The following SRPK2 variants were observed in gnomAD, a reference collection of about 807,000 sequenced individuals.
The protein encoded by SRPK2 is SFRS protein kinase 2.
Under a neutral mutation model 90.8 loss-of-function variants are expected in SRPK2, and 21 were observed. The ratio of observed to expected loss-of-function variants is 0.23; its 90% CI spans 0.16 to 0.33. SRPK2 has a LOEUF of 0.33. Among genes scored for constraint, SRPK2 ranks in the 10% least tolerant of loss-of-function variants. The pLI, the probability that SRPK2 is intolerant of heterozygous loss-of-function variation, is 1.00. For missense variants in SRPK2, 620 were observed against 869.0 expected (o/e 0.71, Z 3.60); for synonymous variants, 288 against 311.1 (o/e 0.93, Z 0.78).
At chr7:105,317,192 T>A (rs1051771266) in intron 2 of SRPK2, among the ~76,000 whole-genome samples, 1 of 152,192 alleles carries the variant, frequency 6.6e-6, no homozygotes, top group Non-Finnish European at 1.5e-5. Flanking sequence ...ACTGACGACA[T>A]AAAAAGAATG....
rs1302894389 is a variant in SRPK2, at chr7:105,323,997, G to GTA, written c.71+64650_71+64651insTA. Among the ~76,000 whole-genome samples the GTA allele has an allele frequency of 2.1e-4, 21 of 99,518 alleles. 1 individual carries two copies. The highest frequency in any genetic ancestry group is 6.2e-4 in the Admixed American group (6 of 9,652). 65.3% of individuals were successfully genotyped at this position (99,518 alleles called of 152,430 possible). Reference sequence around the variant, plus strand: ...TGTGTGTGTGTGTGTGTGTGTGTGTGTGTGTGTGTGTGTGTGTGTGGTGGA... The same window carrying GTA: ...TGTGTGTGTGTGTGTGTGTGTGTGTGTATGTGTGTGTGTGTGTGTGTGGTGGA... On this transcript the variant is annotated intron_variant, in intron 2 of 15. Coordinates refer to ENST00000393651, the MANE Select transcript of SRPK2 (RefSeq NM_182692.3).
Position 105,123,630 on chromosome 7 carries a change from CAT to C in SRPK2, c.1915+2616_1915+2617del, listed in dbSNP as rs759354419. ...TTACTTATGGGAACATGCCAAAACACATGTTTCACGCAGCAAGCCATTCCCCT... is the reference window on the plus strand; with the variant it reads ...TTACTTATGGGAACATGCCAAAACACGTTTCACGCAGCAAGCCATTCCCCT... On this transcript the variant is annotated intron_variant, in intron 15 of 15. Transcript: ENST00000393651. 3.7e-4 allele frequency among the ~76,000 whole-genome samples: 56 copies of C among 152,198 alleles called. 2 individuals are homozygous for C. In the East Asian group the frequency reaches 4.8e-3, roughly 13 times the overall value.
intron 2 of SRPK2, among the ~76,000 whole-genome samples, chr7:105,353,349 T>A (rs951935876): frequency 6.6e-6 from 1 of 152,012 alleles, no homozygotes; most frequent in African/African-American, 2.4e-5. Context: ...TGTTTTTTTG[T>A]GTTTTTTTTT....
chr7:105,139,235 C>A (rs989964296), intron 11 of SRPK2, among the ~76,000 whole-genome samples: 6 of 152,106 alleles, frequency 3.9e-5, no homozygotes, highest in Admixed American at 1.3e-4. Flanking sequence ...GAAGGGCATG[C>A]TGAAAGGCAG....
rs911921966 is a variant in SRPK2 at position 105,143,301 on chromosome 7, T to C, written c.843A>G (p.Lys281=). ...GCCTCTTCTGTTTCTTTTTCAGTTT[T>C]TTCTTTTTGTTTTTAGATATTTTTC... is the stretch of plus-strand genomic sequence containing the variant. ...PIGKISKNKK[K]KLKKKQKRQA... Residue 281 remains lysine (K), a synonymous_variant, in exon 10 of 16, where the codon AAA becomes AAG. Coordinates refer to ENST00000393651, the MANE Select transcript of SRPK2 (RefSeq NM_182692.3). The C allele has an allele frequency of 7.4e-6, 12 of 1,612,600 alleles. No homozygotes were observed. Among genetic ancestry groups the C allele is most frequent in the Non-Finnish European group, 1.0e-5 (12 of 1,179,832 alleles).
chr7:105,159,565 T>C (rs753582258), intron 7 of SRPK2, among the ~76,000 whole-genome samples: 19 of 151,024 alleles, frequency 1.3e-4, no homozygotes, highest in Non-Finnish European at 2.4e-4. Flanking sequence ...ATGCTTTTAC[T>C]ACACAAATTT....
chr7:105,298,192 C>A (rs1475781521), intron 2 of SRPK2, among the ~76,000 whole-genome samples: 1 of 152,214 alleles, frequency 6.6e-6, no homozygotes, highest in Admixed American at 6.5e-5. Context: ...TCCTCTCCCA[C>A]CTCTACCTCT....
chr7:105,355,830 T>C (rs1045479371), intron 2 of SRPK2, among the ~76,000 whole-genome samples: 2 of 151,936 alleles, frequency 1.3e-5, no homozygotes, highest in African/African-American at 2.4e-5. Flanking sequence ...AGCAGATCCC[T>C]TGAGGTCAGG....
intron 3 of SRPK2, among the ~76,000 whole-genome samples, chr7:105,197,850 A>C (rs1191381627): frequency 1.3e-5 from 2 of 152,220 alleles, no homozygotes; most frequent in African/African-American, 4.8e-5. Context: ...TCAAGAGATG[A>C]AAACTGTACA....
chr7:105,303,381 G>A (rs999093917), intron 2 of SRPK2, among the ~76,000 whole-genome samples: 8 of 152,008 alleles, frequency 5.3e-5, no homozygotes, highest in Admixed American at 2.6e-4. Context: ...GTTAATGGGT[G>A]CAGCAAACCA....
intron 2 of SRPK2, among the ~76,000 whole-genome samples, chr7:105,319,517 G>T (rs1186565425): frequency 2.3e-5 from 2 of 88,386 alleles, no homozygotes; most frequent in Non-Finnish European, 5.0e-5. Context: ...GGGGGGGGGG[G>T]GCGGTGGATG....
At chr7:105,146,717 T>G in intron 7 of SRPK2, 59 bp from the exon 8 acceptor site, 1 of 1,528,564 alleles carries the variant, frequency 6.5e-7, no homozygotes, top group Non-Finnish European at 8.9e-7. Flanking sequence ...ATATAACTTT[T>G]ATTTATTTGA....
At position 105,315,596 on chromosome 7, in the gene SRPK2, G is replaced by C. The variant is rs572984324; in HGVS notation, c.71+73052C>G. On this transcript the variant is annotated intron_variant, in intron 2 of 15. Transcript: ENST00000393651. ...TCTCATTTCAACCTTTCAACCACTTGGCTTTTATGCTTCAAATATTGGACT... is the reference window on the plus strand; with the variant it reads ...TCTCATTTCAACCTTTCAACCACTTCGCTTTTATGCTTCAAATATTGGACT... 1.6e-4 allele frequency among the ~76,000 whole-genome samples: 25 copies of C among 152,244 alleles called. 1 individual carries two copies. In the South Asian group the frequency reaches 5.2e-3, roughly 32 times the overall value.
At chr7:105,373,782 G>A (rs1458646495) in intron 2 of SRPK2, among the ~76,000 whole-genome samples, 2 of 152,074 alleles carry the variant, frequency 1.3e-5, no homozygotes, top group African/African-American at 2.4e-5. Flanking sequence ...TGACCTTACT[G>A]TCGTAAGTGC....
At chr7:105,369,011 C>T (rs1819398194) in intron 2 of SRPK2, among the ~76,000 whole-genome samples, 1 of 151,856 alleles carries the variant, frequency 6.6e-6, no homozygotes, top group Admixed American at 6.6e-5. Flanking sequence ...GGGGAGCACC[C>T]CAATGGACAA....
chr7:105,372,258 A>T (rs1819791085), intron 2 of SRPK2, among the ~76,000 whole-genome samples: 1 of 152,150 alleles, frequency 6.6e-6, no homozygotes, highest in Admixed American at 6.6e-5. Context: ...AAACAGCTTC[A>T]TAAAACAAGA....
chr7:105,329,698 T>C (rs933735151), intron 2 of SRPK2, among the ~76,000 whole-genome samples: 12 of 152,056 alleles, frequency 7.9e-5, no homozygotes, highest in African/African-American at 2.7e-4. Flanking sequence ...TTTTCCCCAT[T>C]TTCTCCTGTA....
chr7:105,312,094 A>T (rs1254639185), intron 2 of SRPK2, among the ~76,000 whole-genome samples: 2 of 152,238 alleles, frequency 1.3e-5, no homozygotes, highest in South Asian at 2.1e-4. Flanking sequence ...AATTAAAAAT[A>T]AAATGTACAT....
intron 15 of SRPK2, chr7:105,125,941 A>C (rs1801135070): frequency 1.2e-6 from 1 of 827,460 alleles, no homozygotes; most frequent in Admixed American, 2.6e-5. Context: ...CTGCATGCAG[A>C]CACTACCACC....
Sources: allele counts gnomAD v4.1 joint callset (sites outside exome capture counted in the v4.1 genomes callset), GRCh38; gene constraint gnomAD v4.1.1; transcripts MANE v1.5; gene names NCBI Gene and HGNC (gene_info 2026-07-23, HGNC 2026-07-21).